The following LRP1B variants were observed in gnomAD, a reference collection of about 807,000 sequenced individuals.
The protein encoded by LRP1B is LDL receptor related protein 1B, also known as low-density lipoprotein receptor-related protein 1B.
In LRP1B, 217 loss-of-function variants were observed where a neutral mutation model predicts 556.6. The observed-to-expected ratio is 0.39, with a 90% confidence interval of 0.35 to 0.44. LRP1B has a LOEUF of 0.44. Among genes scored for constraint, LRP1B ranks in the 20% least tolerant of loss-of-function variants. LRP1B has a pLI of 1.00. For synonymous variants in LRP1B, 2,047 were observed against 1,865.8 expected (o/e 1.10, Z -2.50); for missense variants, 5,053 against 5,620.8 (o/e 0.90, Z 3.23).
At chr2:141,131,124 C>G (rs116577490) in intron 7 of LRP1B, among the ~76,000 whole-genome samples, 3,818 of 151,932 alleles carry the variant, frequency 0.025, 175 homozygotes, top group African/African-American at 0.088. Context: ...CACTTGTATC[C>G]CAGAACTTAA....
intron 1 of LRP1B, among the ~76,000 whole-genome samples, chr2:142,026,971 C>T (rs1703528683): frequency 6.6e-6 from 1 of 151,960 alleles, no homozygotes; most frequent in Non-Finnish European, 1.5e-5. Context: ...CTCAAGTTGA[C>T]AGCAAGTATG....
intron 2 of LRP1B, among the ~76,000 whole-genome samples, chr2:141,667,403 T>C (rs1021893835): frequency 6.6e-6 from 1 of 152,112 alleles, no homozygotes; most frequent in African/African-American, 2.4e-5. Flanking sequence ...TAAAAGAAAA[T>C]ATACCACTTC....
chr2:141,731,508 A>T (rs6723324), intron 2 of LRP1B, among the ~76,000 whole-genome samples: 121,518 of 151,718 alleles, frequency 0.8, 49,329 homozygotes, highest in East Asian at 0.89. Flanking sequence ...TATTTTTCCG[A>T]GTCAGCGTAT....
At chr2:141,844,751 A>AG (rs545041440) in intron 1 of LRP1B, among the ~76,000 whole-genome samples, 2 of 152,034 alleles carry the variant, frequency 1.3e-5, no homozygotes, top group African/African-American at 4.8e-5. Flanking sequence ...AAACTACTAT[A>AG]AAGTTATATA....
chr2:141,139,068 G>A (rs1286263139), intron 7 of LRP1B, among the ~76,000 whole-genome samples: 2 of 151,770 alleles, frequency 1.3e-5, no homozygotes, highest in African/African-American at 4.8e-5. Context: ...CTTATTTGTG[G>A]CAAAGATATG....
chr2:140,739,653 T>C (rs1688070899), intron 35 of LRP1B, among the ~76,000 whole-genome samples: 1 of 152,204 alleles, frequency 6.6e-6, no homozygotes, highest in Non-Finnish European at 1.5e-5. Flanking sequence ...AATTATTTGT[T>C]AGATAATATA....
intron 59 of LRP1B, among the ~76,000 whole-genome samples, chr2:140,484,612 C>T (rs1688388371): frequency 6.6e-6 from 1 of 152,082 alleles, no homozygotes. Flanking sequence ...CTCTAAATTA[C>T]AGTGCAAAAA....
At chr2:141,700,099 C>G (rs988983288) in intron 2 of LRP1B, among the ~76,000 whole-genome samples, 7 of 151,536 alleles carry the variant, frequency 4.6e-5, no homozygotes, top group Non-Finnish European at 2.9e-5. Flanking sequence ...TAAGGGTAAA[C>G]TTCTGTTCAT....
At chr2:140,680,953 T>G (rs1325720260) in intron 41 of LRP1B, among the ~76,000 whole-genome samples, 1 of 152,218 alleles carries the variant, frequency 6.6e-6, no homozygotes, top group Non-Finnish European at 1.5e-5. Context: ...TTTGTGGGAC[T>G]TAAAAGGCAG....
At chr2:142,104,221 G>A (rs998585056) in intron 1 of LRP1B, among the ~76,000 whole-genome samples, 4 of 152,192 alleles carry the variant, frequency 2.6e-5, no homozygotes, top group African/African-American at 9.6e-5. Context: ...GAACTGGAAG[G>A]AAGGATTTGT....
chr2:140,730,765 G>C (rs1177023779), intron 35 of LRP1B, among the ~76,000 whole-genome samples: 1 of 152,072 alleles, frequency 6.6e-6, no homozygotes. Context: ...CACTGTGTTG[G>C]CCAGACTGGT....
intron 31 of LRP1B, among the ~76,000 whole-genome samples, chr2:140,814,285 A>G (rs114599182): frequency 0.019 from 2,881 of 152,220 alleles, 86 homozygotes; most frequent in African/African-American, 0.066. Flanking sequence ...GCCAACATAA[A>G]CAGTTTCAAC....
chr2:140,477,661 T>A (rs1385267134), intron 59 of LRP1B, among the ~76,000 whole-genome samples: 4 of 152,216 alleles, frequency 2.6e-5, no homozygotes, highest in Admixed American at 2.6e-4. Flanking sequence ...ATTGCAATTT[T>A]AAATTTTCAT....
At chr2:141,249,771 T>C (rs1573710887) in intron 4 of LRP1B, among the ~76,000 whole-genome samples, 1 of 152,248 alleles carries the variant, frequency 6.6e-6, no homozygotes, top group African/African-American at 2.4e-5. Context: ...AAGATAAAGA[T>C]TAAAATTCCC....
At chr2:140,729,619 A>C (rs1434566179) in intron 35 of LRP1B, among the ~76,000 whole-genome samples, 1 of 152,168 alleles carries the variant, frequency 6.6e-6, no homozygotes, top group Non-Finnish European at 1.5e-5. Flanking sequence ...ATTGAAGGCC[A>C]TGTGTATTAA....
At chr2:141,971,557 C>T (rs561490234) in intron 1 of LRP1B, among the ~76,000 whole-genome samples, 10 of 151,366 alleles carry the variant, frequency 6.6e-5, no homozygotes, top group South Asian at 2.1e-4. Flanking sequence ...TTAGTAATTA[C>T]GTACGGGCAT....
chr2:141,861,278 T>C (rs1292668452), intron 1 of LRP1B, among the ~76,000 whole-genome samples: 1 of 152,148 alleles, frequency 6.6e-6, no homozygotes, highest in African/African-American at 2.4e-5. Context: ...ACTCTCCCCC[T>C]TGAGGACTAG....
At chr2:140,892,451 T>C (rs1039978104) in intron 23 of LRP1B, among the ~76,000 whole-genome samples, 1 of 152,126 alleles carries the variant, frequency 6.6e-6, no homozygotes, top group African/African-American at 2.4e-5. Flanking sequence ...GTGCTCAAAC[T>C]CATGAGAAAT....
At chr2:141,222,138 A>T (rs901276705) in intron 6 of LRP1B, among the ~76,000 whole-genome samples, 2 of 151,784 alleles carry the variant, frequency 1.3e-5, no homozygotes, top group Non-Finnish European at 3.0e-5. Context: ...AATAAAATAG[A>T]TAGCTAACTA....
Sources: gnomAD v4.1 joint callset for allele counts (sites outside exome capture counted in the v4.1 genomes callset) on GRCh38, gnomAD v4.1.1 for gene constraint, MANE v1.5 for transcripts, NCBI Gene and HGNC (gene_info 2026-07-23, HGNC 2026-07-21) for gene names.